Variants in N4BP2L2 observed in about 807,000 individuals in gnomAD.
N4BP2L2 encodes NEDD4 binding protein 2 like 2, also known as NEDD4-binding protein 2-like 2.
In N4BP2L2, 50 loss-of-function variants were observed where a neutral mutation model predicts 56.2. That is an observed-to-expected ratio of 0.89 (90% CI 0.71 to 1.13). The LOEUF (loss-of-function observed/expected upper bound fraction) is 1.13. N4BP2L2 is among the 50% of genes most tolerant of loss of function. N4BP2L2 has a pLI of 0.00. For missense variants in N4BP2L2, 689 were observed against 693.8 expected, an observed-to-expected ratio of 0.99 and a Z score of 0.08; for synonymous variants, 203 against 223.6, an observed-to-expected ratio of 0.91 and a Z score of 0.82.
chr13:32,446,608 A>T, intron 6 of N4BP2L2: 1 of 1,062,504 alleles, frequency 9.4e-7, no homozygotes, highest in Non-Finnish European at 1.2e-6. Flanking sequence ...AGTTTAATGC[A>T]CTTAATGTAT....
chr13:32,463,205 T>C lies in N4BP2L2; in HGVS notation c.366-19079A>G, dbSNP rs539060595. On this transcript the variant is annotated intron_variant, in intron 6 of 9. Transcript: ENST00000357505. ...CAGTAGAAGGGGTTCTACAGCAGGC[T>C]TGAGCAGGCAGAAGAACAGTGAATT... is the stretch of plus-strand genomic sequence containing the variant. Among the ~76,000 whole-genome samples, 4 of 152,136 alleles carry C rather than the reference T, an allele frequency of 2.6e-5. No individual in the cohort carries two copies. The South Asian group carries it at 8.3e-4, about 32-fold the overall frequency.
At chr13:32,481,994 C>T (rs2084852795) in intron 6 of N4BP2L2, among the ~76,000 whole-genome samples, 2 of 152,194 alleles carry the variant, frequency 1.3e-5, no homozygotes, top group South Asian at 4.1e-4. Flanking sequence ...CTTCAGAACT[C>T]TGTTGCCTAT....
exon 7 of N4BP2L2, chr13:32,443,360 G>A: frequency 6.2e-7 from 1 of 1,613,936 alleles, no homozygotes; most frequent in Non-Finnish European, 8.5e-7. Flanking sequence ...ATAAACTTAT[G>A]AGGTCCTGCA....
chr13:32,478,241 A>G, intron 6 of N4BP2L2: 1 of 346,114 alleles, frequency 2.9e-6, no homozygotes, highest in Non-Finnish European at 5.4e-6. Flanking sequence ...TGCAGGTGTA[A>G]TTTACGGTCA....
chr13:32,484,728 G>A lies in N4BP2L2; in HGVS notation c.365+33129C>T, dbSNP rs554110014. Among the ~76,000 whole-genome samples, 143 of 152,224 alleles carry A rather than the reference G, an allele frequency of 9.4e-4. 2 individuals are homozygous for A. Among genetic ancestry groups the A allele is most frequent in the African/African-American group, 3.3e-3 (138 of 41,536 alleles). On this transcript the variant is annotated intron_variant, in intron 6 of 9. Transcript: ENST00000357505. The stretch of plus-strand genomic sequence containing the variant: ...TCGAACTCCTGACCTCAAGTGATCC[G>A]CAAGCCTCAGTCTCCCAAAGTGCTG...
intron 6 of N4BP2L2, among the ~76,000 whole-genome samples, chr13:32,452,078 T>TGGGG (rs1184439380): frequency 3.2e-4 from 47 of 145,264 alleles, no homozygotes; most frequent in African/African-American, 1.2e-3. Context: ...TTTTTTTTTT[T>TGGGG]GGGATGGAGT....
At chr13:32,491,619 TTA>T (rs71672003) in intron 6 of N4BP2L2, among the ~76,000 whole-genome samples, 3,471 of 138,274 alleles carry the variant, frequency 0.025, 50 homozygotes, top group East Asian at 0.048. Context: ...TATATGTATA[TTA>T]TATATATATA....
chr13:32,518,136 C>T, intron 5 of N4BP2L2, 133 bp from the exon 6 acceptor site: 1 of 822,794 alleles, frequency 1.2e-6, no homozygotes, highest in South Asian at 2.3e-5. Context: ...CATCTGTCCA[C>T]ATTTTATGTA....
At chr13:32,526,818 G>GGTTTTTT (rs2052993482) in intron 3 of N4BP2L2, 1 of 24,236 alleles carries the variant, frequency 4.1e-5, no homozygotes, top group Non-Finnish European at 7.9e-5. Flanking sequence ...CTTTTTGTCT[G>GGTTTTTT]TTTTTTTTTT....
chr13:32,527,454 A>G (rs1373604996), exon 3 of N4BP2L2: 1 of 1,614,076 alleles, frequency 6.2e-7, no homozygotes, highest in Non-Finnish European at 8.5e-7. Context: ...GATTAACATT[A>G]TACCTGTACC....
intron 6 of N4BP2L2, among the ~76,000 whole-genome samples, chr13:32,484,024 G>C (rs561984541): frequency 3.3e-5 from 5 of 151,578 alleles, no homozygotes; most frequent in Non-Finnish European, 7.4e-5. Context: ...AAACCAGTCG[G>C]GGCCAGGCCC....
intron 2 of N4BP2L2, among the ~76,000 whole-genome samples, chr13:32,535,379 TATC>T (rs2056283327): frequency 6.6e-6 from 1 of 152,250 alleles, no homozygotes; most frequent in Admixed American, 6.5e-5. Context: ...TACGTAGTGT[TATC>T]TATTTTTAAA....
At chr13:32,469,331 C>T (rs1462596910) in intron 6 of N4BP2L2, among the ~76,000 whole-genome samples, 1 of 152,120 alleles carries the variant, frequency 6.6e-6, no homozygotes, top group Admixed American at 6.5e-5. Flanking sequence ...GTGGACAGGT[C>T]CCCTGTGAGT....
chr13:32,538,746 C>G (rs1358883373), exon 1 of N4BP2L2: 2 of 985,306 alleles, frequency 2.0e-6, no homozygotes, highest in African/African-American at 3.5e-5. Flanking sequence ...GACTAAAAGC[C>G]CACCTCTCAG....
At chr13:32,495,528 G>C (rs1001807887) in intron 6 of N4BP2L2, among the ~76,000 whole-genome samples, 4 of 152,094 alleles carry the variant, frequency 2.6e-5, no homozygotes, top group South Asian at 2.1e-4. Context: ...CCCAGACGTG[G>C]GGCAACTCAA....
intron 6 of N4BP2L2, among the ~76,000 whole-genome samples, chr13:32,449,676 T>C (rs956040796): frequency 6.6e-6 from 1 of 152,220 alleles, no homozygotes; most frequent in Admixed American, 6.5e-5. Context: ...CCTAGCACAA[T>C]GCTTGACACA....
chr13:32,523,788 A>T (rs2051792320), intron 3 of N4BP2L2: 1 of 152,118 alleles, frequency 6.6e-6, no homozygotes, highest in Admixed American at 6.5e-5. Flanking sequence ...CATAAGAATG[A>T]CTCAACTCTG....
exon 6 of N4BP2L2, chr13:32,510,620 TC>T (rs2047911951): frequency 6.6e-6 from 1 of 151,240 alleles, no homozygotes; most frequent in Non-Finnish European, 1.5e-5. Context: ...TACCTCAGCC[TC>T]CTGAGTAGCT....
chr13:32,491,618 A>ATT (rs1566118293), intron 6 of N4BP2L2, among the ~76,000 whole-genome samples: 3 of 132,988 alleles, frequency 2.3e-5, no homozygotes, highest in Admixed American at 7.5e-5. Context: ...ATATATGTAT[A>ATT]TTATATATAT....
Sources: gnomAD v4.1 joint callset for allele counts (sites outside exome capture counted in the v4.1 genomes callset) on GRCh38, gnomAD v4.1.1 for gene constraint, MANE v1.5 for transcripts, NCBI Gene and HGNC (gene_info 2026-07-23, HGNC 2026-07-21) for gene names.